Variants in IFT43 observed in about 807,000 individuals in gnomAD.
IFT43 encodes intraflagellar transport protein 43 homolog.
IFT43 carries 33 observed loss-of-function variants against 32.3 expected under a neutral mutation model. That is an observed-to-expected ratio of 1.02 (90% confidence interval 0.77 to 1.37). The LOEUF (loss-of-function observed/expected upper bound fraction) is 1.37. Among genes scored for constraint, IFT43 ranks in the 40% most tolerant of loss-of-function variants. The pLI is 0.00. For missense variants in IFT43, 274 were observed against 265.9 expected, an observed-to-expected ratio of 1.03 and a Z score of -0.21; for synonymous variants, 93 against 98.2, an observed-to-expected ratio of 0.95 and a Z score of 0.31.
intron 5 of IFT43, among the ~76,000 whole-genome samples, chr14:76,060,844 T>G (rs1471352416): frequency 7.1e-6 from 1 of 140,080 alleles, no homozygotes. Context: ...CTTCCTTCCT[T>G]CCTTCCTTCC....
downstream of IFT43, chr14:76,084,063 G>A (rs1477453644): frequency 2.0e-5 from 9 of 445,188 alleles, no homozygotes; most frequent in South Asian, 3.2e-5. Context: ...AGGAGGCGGC[G>A]GGAGGGATAA....
At chr14:76,076,613 A>C (rs2037417533) in intron 5 of IFT43, 2 of 1,614,080 alleles carry the variant, frequency 1.2e-6, no homozygotes, top group Non-Finnish European at 1.7e-6. Context: ...CCAAACAGGC[A>C]AACAACAGCT....
intron 3 of IFT43, among the ~76,000 whole-genome samples, chr14:76,023,617 TC>T (rs2036336234): frequency 6.6e-6 from 1 of 152,222 alleles, no homozygotes; most frequent in Non-Finnish European, 1.5e-5. Flanking sequence ...CTGTTTCTTA[TC>T]CCCATTCTGT....
intron 3 of IFT43, among the ~76,000 whole-genome samples, chr14:76,027,441 G>A (rs887418493): frequency 5.9e-5 from 9 of 151,518 alleles, no homozygotes; most frequent in Non-Finnish European, 1.3e-4. Flanking sequence ...TGACATTCTC[G>A]GCCGGGCGCA....
intron 2 of IFT43, among the ~76,000 whole-genome samples, chr14:75,993,267 G>A (rs113224083): frequency 1.3e-5 from 2 of 152,118 alleles, no homozygotes; most frequent in Admixed American, 6.5e-5. Context: ...AATTTGGTTC[G>A]CATTTATAAA....
chr14:76,082,746 TC>T (rs2037534618), intron 7 of IFT43, 54 bp downstream of exon 7: 1 of 1,288,400 alleles, frequency 7.8e-7, no homozygotes, highest in African/African-American at 1.5e-5. Flanking sequence ...TGGGCTTCAA[TC>T]CGTAGAGATT....
intron 2 of IFT43, among the ~76,000 whole-genome samples, chr14:75,996,867 C>T (rs2035756998): frequency 6.6e-6 from 1 of 152,162 alleles, no homozygotes; most frequent in Non-Finnish European, 1.5e-5. Context: ...ATTTATGAAA[C>T]TTGATTGGGA....
chr14:76,067,378 C>G (rs945422166), intron 5 of IFT43, among the ~76,000 whole-genome samples: 2 of 151,868 alleles, frequency 1.3e-5, no homozygotes, highest in African/African-American at 4.8e-5. Context: ...CCAACCTGGC[C>G]AACATGGTGA....
intron 3 of IFT43, among the ~76,000 whole-genome samples, chr14:76,024,062 A>G (rs749367266): frequency 6.6e-6 from 1 of 152,228 alleles, no homozygotes; most frequent in Non-Finnish European, 1.5e-5. Context: ...AGCCTAAAAT[A>G]AAACAAAGCA....
At chr14:75,986,103 C>T in intron 1 of IFT43, 1 of 1,447,470 alleles carries the variant, frequency 6.9e-7, no homozygotes, top group South Asian at 1.2e-5. Context: ...TGGGAAATTT[C>T]CGAGCCTTTC....
intron 7 of IFT43, 146 bp from the exon 8 acceptor site, chr14:76,083,081 A>G: frequency 1.2e-6 from 1 of 829,014 alleles, no homozygotes; most frequent in Admixed American, 2.0e-5. Context: ...TGGTTCATTC[A>G]TGATTTTACT....
rs560157098 is a variant in IFT43 at position 76,064,507 on chromosome 14, A to G, written c.295+5134A>G. Among the ~76,000 whole-genome samples the G allele has an allele frequency of 1.3e-4, 20 of 152,342 alleles. No individual in the cohort carries two copies. The East Asian group carries it at 3.1e-3, about 24-fold the overall frequency. ...AGGAGCAGTGTGCATGGAAATTGTA[A>G]TGCTAGAGCAACGATTCTAGAGCCT... On this transcript the variant is annotated intron_variant, in intron 5 of 8. Transcript: ENST00000314067.
chr14:76,058,784 T>G, intron 4 of IFT43, 110 bp downstream of exon 4: 1 of 1,595,830 alleles, frequency 6.3e-7, no homozygotes, highest in Non-Finnish European at 8.5e-7. Context: ...GTGTTAGAAG[T>G]CTGGGGCTAG....
chr14:76,015,438 G>T (rs1305064492), intron 2 of IFT43, among the ~76,000 whole-genome samples: 1 of 152,150 alleles, frequency 6.6e-6, no homozygotes, highest in Non-Finnish European at 1.5e-5. Flanking sequence ...TGTTGCTCAG[G>T]GGATTTCTTT....
At chr14:76,018,605 T>G (rs1367704526) in intron 2 of IFT43, among the ~76,000 whole-genome samples, 1 of 152,148 alleles carries the variant, frequency 6.6e-6, no homozygotes, top group Non-Finnish European at 1.5e-5. Flanking sequence ...TTTTCTTTAT[T>G]GGTTTTCTGT....
intron 2 of IFT43, among the ~76,000 whole-genome samples, chr14:75,991,109 G>A (rs951988103): frequency 2.0e-5 from 3 of 152,160 alleles, no homozygotes; most frequent in African/African-American, 7.2e-5. Context: ...GGAAGCCAAG[G>A]CAGGAGGATT....
At chr14:76,043,490 G>A (rs557236683) in intron 3 of IFT43, among the ~76,000 whole-genome samples, 3 of 151,776 alleles carry the variant, frequency 2.0e-5, no homozygotes, top group Admixed American at 6.5e-5. Context: ...TTTTTGAGAC[G>A]GAGTCTCGCT....
intron 1 of IFT43, chr14:75,986,265 T>C (rs2035525191): frequency 1.6e-6 from 2 of 1,280,858 alleles, no homozygotes; most frequent in Admixed American, 4.7e-5. Context: ...GCCGCACTGT[T>C]TTATGCATGG....
intron 2 of IFT43, among the ~76,000 whole-genome samples, chr14:76,000,533 A>G (rs1458618725): frequency 2.0e-5 from 3 of 152,006 alleles, no homozygotes; most frequent in African/African-American, 7.2e-5. Flanking sequence ...CGGCCTCCCA[A>G]AGTGCTGGGA....
Sources: gnomAD v4.1 joint callset for allele counts (sites outside exome capture counted in the v4.1 genomes callset) on GRCh38, gnomAD v4.1.1 for gene constraint, MANE v1.5 for transcripts, NCBI Gene and HGNC (gene_info 2026-07-23, HGNC 2026-07-21) for gene names.